AFDN: variants seen among roughly 807,000 people sequenced by gnomAD.
AFDN encodes afadin, adherens junction formation factor.
A neutral mutation model predicts 216.6 loss-of-function variants in AFDN; 68 were observed. The observed-to-expected ratio is 0.31, with a 90% CI of 0.26 to 0.38. AFDN has a LOEUF of 0.38. Ranked by LOEUF, AFDN falls within the 10% of genes least tolerant of loss-of-function variation. The probability of loss-of-function intolerance (pLI) is 1.00; values close to 1 mark genes in which losing one functional copy is unlikely to be tolerated. For missense variants in AFDN, 2,136 were observed against 2,342.0 expected (o/e 0.91, Z 1.82); for synonymous variants, 868 against 853.7 (o/e 1.02, Z -0.29).
intron 1 of AFDN, among the ~76,000 whole-genome samples, chr6:167,848,920 A>G (rs1380758672): frequency 6.6e-6 from 1 of 152,186 alleles, no homozygotes; most frequent in African/African-American, 2.4e-5. Flanking sequence ...TTAGTCTGCC[A>G]TACTGCTGGA....
At chr6:167,870,163 G>C (rs750213625) in intron 2 of AFDN, among the ~76,000 whole-genome samples, 23 of 152,156 alleles carry the variant, frequency 1.5e-4, no homozygotes, top group Admixed American at 3.3e-4. Context: ...TGAGGGAATT[G>C]CCTCTGTTCA....
chr6:167,877,530 A>G (rs1025842130), intron 5 of AFDN, among the ~76,000 whole-genome samples: 1 of 152,172 alleles, frequency 6.6e-6, no homozygotes, highest in Non-Finnish European at 1.5e-5. Flanking sequence ...TGGGGGTAGA[A>G]GGAGCATTTT....
intron 1 of AFDN, among the ~76,000 whole-genome samples, chr6:167,841,540 A>G (rs1350476810): frequency 6.6e-6 from 1 of 152,234 alleles, no homozygotes; most frequent in Non-Finnish European, 1.5e-5. Context: ...AGGAAAGTTT[A>G]GAAAGTGTCA....
chr6:167,915,333 G>C lies in AFDN; in HGVS notation c.2465G>C (p.Trp822Ser). ...GATTCGGGGCTGTGCTCCCATTACTGGGGTGCGATTATCCGTCAGCAGTTG... is the reference window on the plus strand; with the variant it reads ...GATTCGGGGCTGTGCTCCCATTACTCGGGTGCGATTATCCGTCAGCAGTTG... ...DPDSGLCSHYWGAIIRQQLGH... is the reference protein window; with the variant it reads ...DPDSGLCSHYSGAIIRQQLGH... Residue 822 changes from tryptophan (W) to serine (S), a missense_variant, in exon 19 of 34, where the codon TGG (tryptophan) becomes TCG (serine). Around this residue, in one of 8 missense-constraint regions of AFDN, gnomAD observed 817 missense variants for 965.7 expected, o/e 0.85. Transcript: ENST00000683244. 6.2e-7 allele frequency: 1 copy of C among 1,614,214 alleles called. No individual in the cohort carries two copies. Among genetic ancestry groups the C allele is most frequent in the Non-Finnish European group, 8.5e-7 (1 of 1,180,038 alleles).
chr6:167,968,252 A>G (rs763093115), intron 32 of AFDN, among the ~76,000 whole-genome samples: 5 of 152,146 alleles, frequency 3.3e-5, no homozygotes, highest in Non-Finnish European at 7.4e-5. Context: ...CGTAAGGTGG[A>G]GATGTGTTTC....
At chr6:167,955,979 G>A (rs905275265) in intron 30 of AFDN, among the ~76,000 whole-genome samples, 3 of 151,906 alleles carry the variant, frequency 2.0e-5, no homozygotes, top group African/African-American at 7.2e-5. Flanking sequence ...GCTGGGCACA[G>A]TGGCGGGCAC....
At chr6:167,847,285 AT>A (rs776628533) in intron 1 of AFDN, among the ~76,000 whole-genome samples, 24 of 152,206 alleles carry the variant, frequency 1.6e-4, no homozygotes, top group South Asian at 4.1e-4. Context: ...TAGGTGAAAT[AT>A]TTCATTTTTG....
In AFDN at chr6:167,948,348, C is replaced by G. The variant is rs1034084868; in HGVS notation, c.3701C>G (p.Thr1234Ser). 14 of 1,614,110 alleles carry G rather than the reference C, an allele frequency of 8.7e-6. No individual in the cohort carries two copies. Among genetic ancestry groups the G allele is most frequent in the Non-Finnish European group, 1.2e-5 (14 of 1,180,002 alleles). Residue 1234 changes from threonine (T) to serine (S), a missense_variant, in exon 29 of 34, where the codon ACC becomes AGC. Transcript: ENST00000683244. Reference sequence around the variant, plus strand: ...TACCCCATCCCCACTCAGACGTACACCAGAGAGTATTTTACCTTCCCAGCT... The same window carrying G: ...TACCCCATCCCCACTCAGACGTACAGCAGAGAGTATTTTACCTTCCCAGCT... The part of the protein sequence containing the change: ...EAYPIPTQTY[T>S]REYFTFPASK...
At chr6:167,836,657 T>G (rs958189947) in intron 1 of AFDN, among the ~76,000 whole-genome samples, 2 of 150,318 alleles carry the variant, frequency 1.3e-5, no homozygotes, top group Non-Finnish European at 3.0e-5. Context: ...ATATATTGTG[T>G]TGTTAATTTA....
chr6:167,863,711 C>T (rs1783839328), intron 1 of AFDN: 2 of 495,666 alleles, frequency 4.0e-6, no homozygotes, highest in South Asian at 1.5e-5. Flanking sequence ...AAGGACATCC[C>T]ACAGTTGTGA....
At chr6:167,890,546 T>C (rs538837940) in intron 7 of AFDN, among the ~76,000 whole-genome samples, 1 of 152,296 alleles carries the variant, frequency 6.6e-6, no homozygotes, top group Admixed American at 6.5e-5. Flanking sequence ...TTACTGATCA[T>C]AGAGTTGTTT....
chr6:167,867,857 G>A (rs915038477), intron 2 of AFDN, among the ~76,000 whole-genome samples: 1 of 152,136 alleles, frequency 6.6e-6, no homozygotes, highest in Non-Finnish European at 1.5e-5. Context: ...TATCATCATT[G>A]TTGTCATCAT....
intron 28 of AFDN, 70 bp from the exon 29 acceptor site, chr6:167,948,221 CAG>C: frequency 7.6e-7 from 1 of 1,323,736 alleles, no homozygotes; most frequent in African/African-American, 1.5e-5. Flanking sequence ...AATTTTAAAA[CAG>C]ATCATTGAAA....
At position 167,946,894 on chromosome 6, in the gene AFDN, C is replaced by A; in HGVS notation, c.3546C>A (p.Asn1182Lys). 6.2e-7 allele frequency: 1 copy of A among 1,610,438 alleles called. No individual in the cohort carries two copies. Among genetic ancestry groups the A allele is most frequent in the Non-Finnish European group, 8.5e-7 (1 of 1,179,088 alleles). The change falls in exon 27 of 34, where the codon AAC (asparagine) becomes AAA (lysine). Residue 1182 changes from asparagine to lysine, a missense_variant. Physicochemically the swap from Asn to Lys is moderately conservative, Grantham distance 94. This residue lies in a region of AFDN where 981 missense variants were observed against 966.0 expected (regional missense o/e 1.02). Coordinates refer to ENST00000683244, the MANE Select transcript of AFDN (RefSeq NM_001386888.1). Reference protein sequence around the residue: ...KNRADHRSSPNVANQPPSPGG... With the variant: ...KNRADHRSSPKVANQPPSPGG... ...GAGCTGATCACCGTTCCAGCCCCAACGTAGCAAGTAAGAGTGACACTTTTT... is the reference window on the plus strand; with the variant it reads ...GAGCTGATCACCGTTCCAGCCCCAAAGTAGCAAGTAAGAGTGACACTTTTT...
intron 21 of AFDN, among the ~76,000 whole-genome samples, chr6:167,920,763 G>T (rs1184866864): frequency 2.0e-5 from 3 of 152,082 alleles, no homozygotes; most frequent in Non-Finnish European, 4.4e-5. Flanking sequence ...TAATATCTGT[G>T]CTGTTACCGT....
At chr6:167,860,005 T>TGA (rs1783360457) in intron 1 of AFDN, among the ~76,000 whole-genome samples, 1 of 152,024 alleles carries the variant, frequency 6.6e-6, no homozygotes, top group African/African-American at 2.4e-5. Flanking sequence ...ATTAAATTAT[T>TGA]GAGACATACT....
At chr6:167,833,227 G>C (rs961617956) in intron 1 of AFDN, among the ~76,000 whole-genome samples, 3 of 152,208 alleles carry the variant, frequency 2.0e-5, no homozygotes, top group Admixed American at 6.5e-5. Context: ...GCTAGCTCTA[G>C]TCTAGCTCTG....
intron 1 of AFDN, among the ~76,000 whole-genome samples, chr6:167,841,492 G>GA (rs552753684): frequency 1.4e-3 from 202 of 149,080 alleles, no homozygotes; most frequent in Middle Eastern, 6.9e-3. Context: ...TCCAATACAG[G>GA]AAAAAAAAAA....
chr6:167,916,944 G>A (rs932917001), intron 19 of AFDN, 145 bp from the exon 20 acceptor site: 2 of 701,764 alleles, frequency 2.8e-6, no homozygotes, highest in African/African-American at 3.6e-5. Context: ...TATAGTTACT[G>A]TAAATGGAAG....
Sources: gnomAD v4.1 joint callset for allele counts (sites outside exome capture counted in the v4.1 genomes callset) on GRCh38, gnomAD v4.1.1 for gene constraint, gnomAD v4.1.1 regional missense constraint, MANE v1.5 for transcripts, NCBI Gene and HGNC (gene_info 2026-07-23, HGNC 2026-07-21) for gene names.